Variants in SPAG16 observed in about 807,000 individuals in gnomAD.
The protein encoded by SPAG16 is sperm associated antigen 16, also known as sperm-associated antigen 16 protein.
Under a neutral mutation model 80.4 loss-of-function variants are expected in SPAG16, and 86 were observed. That is an observed-to-expected ratio of 1.07 (90% CI 0.90 to 1.28). The LOEUF (loss-of-function observed/expected upper bound fraction) is 1.28, where lower values mean the gene tolerates loss of function less well. Ranked by LOEUF, SPAG16 falls within the 50% of genes most tolerant of loss-of-function variation. The probability of loss-of-function intolerance (pLI) is 0.00; values close to 1 mark genes in which losing one functional copy is unlikely to be tolerated. For synonymous variants in SPAG16, 294 were observed against 265.9 expected (o/e 1.11, Z -1.03); for missense variants, 870 against 765.3 (o/e 1.14, Z -1.61).
intron 14 of SPAG16, among the ~76,000 whole-genome samples, chr2:214,111,896 G>A (rs2053683754): frequency 6.6e-6 from 1 of 152,068 alleles, no homozygotes; most frequent in African/African-American, 2.4e-5. Flanking sequence ...ATTGTGAATG[G>A]GAGCTCATTC....
chr2:214,034,816 G>A (rs145585248), intron 13 of SPAG16, among the ~76,000 whole-genome samples: 1 of 152,330 alleles, frequency 6.6e-6, no homozygotes, highest in Non-Finnish European at 1.5e-5. Flanking sequence ...CCTAAGGGCT[G>A]CAGATCTTCT....
At chr2:213,518,439 G>C (rs2075530933) in intron 10 of SPAG16, among the ~76,000 whole-genome samples, 1 of 152,114 alleles carries the variant, frequency 6.6e-6, no homozygotes, top group African/African-American at 2.4e-5. Flanking sequence ...TTTTCCTGTA[G>C]AGACAAGGTT....
chr2:214,405,634 A>G (rs1260074128), intron 15 of SPAG16, among the ~76,000 whole-genome samples: 1 of 152,102 alleles, frequency 6.6e-6, no homozygotes, highest in Non-Finnish European at 1.5e-5. Context: ...CATCTCTACT[A>G]AAAATACAAA....
chr2:214,048,179 T>C (rs1559733163), intron 13 of SPAG16, among the ~76,000 whole-genome samples: 1 of 152,232 alleles, frequency 6.6e-6, no homozygotes, highest in East Asian at 1.9e-4. Context: ...GATCTAGCAA[T>C]CCCATGCCTA....
At chr2:214,190,499 C>T (rs2057627995) in intron 15 of SPAG16, among the ~76,000 whole-genome samples, 1 of 152,084 alleles carries the variant, frequency 6.6e-6, no homozygotes, top group South Asian at 2.1e-4. Flanking sequence ...CCCTTGTATA[C>T]AATTGATAGC....
At chr2:213,631,508 C>T (rs907234299) in intron 10 of SPAG16, among the ~76,000 whole-genome samples, 5 of 152,070 alleles carry the variant, frequency 3.3e-5, no homozygotes, top group Non-Finnish European at 5.9e-5. Context: ...GGTAGAGTCT[C>T]GTGGGAAGTG....
intron 10 of SPAG16, among the ~76,000 whole-genome samples, chr2:213,815,319 A>C (rs1214913385): frequency 6.6e-6 from 1 of 152,188 alleles, no homozygotes; most frequent in Non-Finnish European, 1.5e-5. Flanking sequence ...CCAGATTTGC[A>C]GGGAAGGTAA....
chr2:214,209,032 A>AT (rs989100649), intron 15 of SPAG16, among the ~76,000 whole-genome samples: 7 of 151,914 alleles, frequency 4.6e-5, no homozygotes, highest in Admixed American at 1.3e-4. Context: ...TTTTATCATT[A>AT]TTTTTTCTGG....
At chr2:213,953,588 T>C (rs1344648343) in intron 12 of SPAG16, among the ~76,000 whole-genome samples, 6 of 151,604 alleles carry the variant, frequency 4.0e-5, no homozygotes, top group Admixed American at 6.6e-5. Flanking sequence ...AAAAATGAAA[T>C]TGAGAAATCA....
chr2:213,591,953 C>T (rs1044151123), intron 10 of SPAG16, among the ~76,000 whole-genome samples: 10 of 152,158 alleles, frequency 6.6e-5, no homozygotes, highest in African/African-American at 2.4e-4. Flanking sequence ...AACATGGAAG[C>T]TCAAAAGTCA....
intron 9 of SPAG16, among the ~76,000 whole-genome samples, chr2:213,429,136 G>A (rs758955967): frequency 6.6e-6 from 1 of 150,668 alleles, no homozygotes; most frequent in African/African-American, 2.4e-5. Context: ...TCCTATATTC[G>A]TTTGCCTAGA....
At position 213,480,654 on chromosome 2, in the gene SPAG16, C is replaced by G. The variant is rs1166723416; in HGVS notation, c.943-9309C>G. 2.0e-5 allele frequency among the ~76,000 whole-genome samples: 3 copies of G among 152,182 alleles called. No homozygotes were observed. In the South Asian group the frequency reaches 6.2e-4, roughly 32 times the overall value. Reference sequence around the variant, plus strand: ...AGCACCCAGTATTGACAGAAGTGATCACTTGTGTCATCATATGGCACACAC... The same window carrying G: ...AGCACCCAGTATTGACAGAAGTGATGACTTGTGTCATCATATGGCACACAC... On this transcript the variant is annotated intron_variant, in intron 9 of 15. Transcript: ENST00000331683.
chr2:213,438,123 G>A (rs1032785414), intron 9 of SPAG16, among the ~76,000 whole-genome samples: 6 of 152,084 alleles, frequency 3.9e-5, no homozygotes, highest in Admixed American at 6.6e-5. Context: ...CTACCTTAAC[G>A]TTTTGGCTTT....
At chr2:213,718,726 C>T (rs1170970138) in intron 10 of SPAG16, among the ~76,000 whole-genome samples, 5 of 152,204 alleles carry the variant, frequency 3.3e-5, no homozygotes, top group South Asian at 4.1e-4. Context: ...GCTGCCTTCC[C>T]GCGGGGCAGG....
intron 15 of SPAG16, among the ~76,000 whole-genome samples, chr2:214,312,032 A>C (rs1264797955): frequency 1.3e-5 from 2 of 152,206 alleles, no homozygotes; most frequent in African/African-American, 4.8e-5. Flanking sequence ...AAAAATTGTA[A>C]ATTTATAAGC....
At chr2:213,801,752 A>G (rs2071421673) in intron 10 of SPAG16, among the ~76,000 whole-genome samples, 1 of 152,232 alleles carries the variant, frequency 6.6e-6, no homozygotes, top group South Asian at 2.1e-4. Context: ...ACTTATGGTC[A>G]TAAGCCACTG....
At chr2:213,766,939 G>A (rs907520916) in intron 10 of SPAG16, among the ~76,000 whole-genome samples, 3 of 152,168 alleles carry the variant, frequency 2.0e-5, no homozygotes, top group Admixed American at 6.5e-5. Context: ...GAGGCCTGCC[G>A]GGTAAAACCT....
At chr2:213,296,998 G>A in intron 2 of SPAG16, 1 of 1,170,864 alleles carries the variant, frequency 8.5e-7, no homozygotes, top group Non-Finnish European at 1.1e-6. Flanking sequence ...CAGCAGAATT[G>A]TTAGATTACA....
intron 10 of SPAG16, among the ~76,000 whole-genome samples, chr2:213,794,990 A>G (rs1269153450): frequency 1.3e-5 from 2 of 152,180 alleles, no homozygotes; most frequent in East Asian, 3.8e-4. Context: ...TAAAATTAAT[A>G]TGCATTCTCT....
Sources: gnomAD v4.1 joint callset for allele counts (sites outside exome capture counted in the v4.1 genomes callset) on GRCh38, gnomAD v4.1.1 for gene constraint, MANE v1.5 for transcripts, NCBI Gene and HGNC (gene_info 2026-07-23, HGNC 2026-07-21) for gene names.